NEK6: variants seen among roughly 807,000 people sequenced by gnomAD.
The protein encoded by NEK6 is NIMA related kinase 6.
Under a neutral mutation model 43.5 loss-of-function variants are expected in NEK6, and 27 were observed. The observed-to-expected ratio is 0.62, with a 90% CI of 0.46 to 0.86. The LOEUF (loss-of-function observed/expected upper bound fraction) is 0.86, where lower values mean the gene tolerates loss of function less well. Among genes scored for constraint, NEK6 ranks in the 40% least tolerant of loss-of-function variants. NEK6 has a pLI of 0.00. For synonymous variants in NEK6, 167 were observed against 164.1 expected (o/e 1.02, Z -0.14); for missense variants, 318 against 414.4 (o/e 0.77, Z 2.02).
In NEK6 at chr9:124,261,291, T is replaced by A. The variant is rs531579610; in HGVS notation, c.-30+3206T>A. ...AAGGGCTGCTGTTCACATTTTTTCT[T>A]TTCTTTAAGTGCCCCAGATACTTTT... On this transcript the variant is annotated intron_variant, in intron 1 of 9. Transcript: ENST00000320246. The A allele has an allele frequency of 4.5e-5, 29 of 648,498 alleles. No homozygotes were observed. In the African/African-American group the frequency reaches 5.5e-4, roughly 12 times the overall value. The allele number at this position is 648,498 out of a possible 1,614,324, so 40.2% of individuals were successfully genotyped here.
chr9:124,276,425 G>A (rs4838149), intron 1 of NEK6, among the ~76,000 whole-genome samples: 22,347 of 152,136 alleles, frequency 0.15, 1,728 homozygotes, highest in Non-Finnish European at 0.17. Flanking sequence ...TGGGAGCAGG[G>A]TGAGGCCGAG....
intron 2 of NEK6, among the ~76,000 whole-genome samples, chr9:124,307,531 C>T (rs933712797): frequency 2.0e-5 from 3 of 152,210 alleles, no homozygotes; most frequent in African/African-American, 7.2e-5. Flanking sequence ...CCTTCTCCCT[C>T]GTGCCCACGG....
intron 2 of NEK6, among the ~76,000 whole-genome samples, chr9:124,304,481 G>C (rs983055036): frequency 6.6e-6 from 1 of 152,274 alleles, no homozygotes; most frequent in African/African-American, 2.4e-5. Flanking sequence ...CTATAAAATG[G>C]GATAATAATG....
intron 1 of NEK6, among the ~76,000 whole-genome samples, chr9:124,280,332 G>A: frequency 6.6e-6 from 1 of 152,378 alleles, no homozygotes; most frequent in African/African-American, 2.4e-5. Flanking sequence ...AGAACAGGAG[G>A]GAGGGGAGTT....
chr9:124,303,074 A>G (rs1039809946), intron 2 of NEK6, among the ~76,000 whole-genome samples: 1 of 152,220 alleles, frequency 6.6e-6, no homozygotes, highest in African/African-American at 2.4e-5. Flanking sequence ...GGAGCCCAGC[A>G]AGGCACCTGA....
intron 1 of NEK6, among the ~76,000 whole-genome samples, chr9:124,301,636 T>C (rs575990533): frequency 1.2e-3 from 180 of 152,284 alleles, no homozygotes; most frequent in South Asian, 5.0e-3. Flanking sequence ...CCAGCAAATG[T>C]GGGGTTGAAT....
intron 1 of NEK6, among the ~76,000 whole-genome samples, chr9:124,276,102 C>T (rs945288506): frequency 5.3e-5 from 8 of 151,742 alleles, no homozygotes; most frequent in Admixed American, 6.6e-5. Context: ...GGAGGGGGAA[C>T]GGGGCTGTCC....
At position 124,324,737 on chromosome 9, in the gene NEK6, C is replaced by T. The variant is rs567060955; in HGVS notation, c.406-1593C>T. Among the ~76,000 whole-genome samples, 4 of 152,216 alleles carry T rather than the reference C, an allele frequency of 2.6e-5. No individual in the cohort carries two copies. The highest frequency in any genetic ancestry group is 4.1e-4 in the South Asian group (2 of 4,824). On this transcript the variant is annotated intron_variant, in intron 5 of 9. Coordinates refer to ENST00000320246, the MANE Select transcript of NEK6 (RefSeq NM_014397.6). This position sits in a 1 kb window ranked among gnomAD's most constrained non-coding sequence, Gnocchi z 5.3. Reference sequence around the variant, plus strand: ...AGAACAGCCTCGAGGGGATTTACGGCGAGGTCAGGGGCTCCCCACTGCGAC... The same window carrying T: ...AGAACAGCCTCGAGGGGATTTACGGTGAGGTCAGGGGCTCCCCACTGCGAC...
At chr9:124,289,993 C>T (rs7872321) in intron 1 of NEK6, among the ~76,000 whole-genome samples, 41,925 of 152,198 alleles carry the variant, frequency 0.28, 6,545 homozygotes, top group Admixed American at 0.36. Context: ...CTAAGCCCAA[C>T]TCCAGGGTTC....
At chr9:124,265,615 A>C (rs1831200194) in intron 1 of NEK6, 1 of 152,126 alleles carries the variant, frequency 6.6e-6, no homozygotes, top group Non-Finnish European at 1.5e-5. Context: ...CATCATGACC[A>C]GCCTCAGGTC....
intron 2 of NEK6, among the ~76,000 whole-genome samples, chr9:124,302,690 A>G (rs1340517144): frequency 6.6e-6 from 1 of 152,170 alleles, no homozygotes; most frequent in African/African-American, 2.4e-5. Flanking sequence ...CCCTCTTCCA[A>G]GTCAGTGCAA....
At chr9:124,273,450 A>C (rs1831527793) in intron 1 of NEK6, among the ~76,000 whole-genome samples, 1 of 152,188 alleles carries the variant, frequency 6.6e-6, no homozygotes, top group Non-Finnish European at 1.5e-5. Context: ...TCAGGGCAGG[A>C]GAAGACTTAA....
intron 1 of NEK6, among the ~76,000 whole-genome samples, chr9:124,272,126 T>C (rs751992893): frequency 1.3e-5 from 2 of 152,200 alleles, no homozygotes; most frequent in Non-Finnish European, 2.9e-5. Flanking sequence ...GAAGAGGCCT[T>C]TGATACTCTG....
chr9:124,292,879 C>CG (rs984451200), intron 1 of NEK6: 3 of 1,469,728 alleles, frequency 2.0e-6, no homozygotes, highest in Non-Finnish European at 2.7e-6. Flanking sequence ...AGAGACAGCA[C>CG]GGGGGAGCAG....
chr9:124,284,712 T>A (rs1832075254), intron 1 of NEK6, among the ~76,000 whole-genome samples: 1 of 152,196 alleles, frequency 6.6e-6, no homozygotes, highest in African/African-American at 2.4e-5. Context: ...AGAATGTGTG[T>A]GTCTGGGGTC....
intron 7 of NEK6, among the ~76,000 whole-genome samples, chr9:124,331,272 AAC>A (rs1554854296): frequency 1.3e-5 from 2 of 148,748 alleles, no homozygotes; most frequent in Admixed American, 6.9e-5. Flanking sequence ...AAAAAAAAAA[AAC>A]AAAACATTTT....
chr9:124,296,214 G>A (rs1183862399), intron 1 of NEK6, among the ~76,000 whole-genome samples: 2 of 152,276 alleles, frequency 1.3e-5, no homozygotes, highest in Non-Finnish European at 2.9e-5. Context: ...TGGCACTGGT[G>A]CTGCCAGTAC....
At chr9:124,259,027 G>A (rs1481617958) in intron 1 of NEK6, among the ~76,000 whole-genome samples, 2 of 152,238 alleles carry the variant, frequency 1.3e-5, no homozygotes, top group Non-Finnish European at 2.9e-5. Flanking sequence ...TAAGTAGACG[G>A]ATCTTTTGAT....
chr9:124,323,917 G>T (rs951018390), intron 5 of NEK6, among the ~76,000 whole-genome samples: 4 of 152,182 alleles, frequency 2.6e-5, no homozygotes, highest in Non-Finnish European at 5.9e-5. Flanking sequence ...CATGAACCCA[G>T]CAGGATTGAG....
Sources: allele counts gnomAD v4.1 joint callset (sites outside exome capture counted in the v4.1 genomes callset), GRCh38; gene constraint gnomAD v4.1.1; non-coding constraint Gnocchi (gnomAD v3.1); transcripts MANE v1.5; gene names NCBI Gene and HGNC (gene_info 2026-07-23, HGNC 2026-07-21).